SLC4A4: variants seen among roughly 807,000 people sequenced by gnomAD.
The protein encoded by SLC4A4 is solute carrier family 4 member 4, also known as electrogenic sodium bicarbonate cotransporter 1.
Under a neutral mutation model 111.5 loss-of-function variants are expected in SLC4A4, and 27 were observed. The observed-to-expected ratio is 0.24, with a 90% CI of 0.18 to 0.33. The LOEUF is 0.33. Among genes scored for constraint, SLC4A4 ranks in the 10% least tolerant of loss-of-function variants. The pLI is 1.00. For synonymous variants in SLC4A4, 443 were observed against 463.4 expected, an observed-to-expected ratio of 0.96 and a Z score of 0.57; for missense variants, 909 against 1,315.5, an observed-to-expected ratio of 0.69 and a Z score of 4.78.
intron 2 of SLC4A4, among the ~76,000 whole-genome samples, chr4:71,239,143 G>A (rs1224999104): frequency 6.6e-6 from 1 of 152,136 alleles, no homozygotes; most frequent in Non-Finnish European, 1.5e-5. Context: ...CAAAAGGCAA[G>A]GAGCTGGAAC....
intron 24 of SLC4A4, among the ~76,000 whole-genome samples, chr4:71,565,009 A>AT (rs771186934): frequency 6.6e-4 from 96 of 145,146 alleles, no homozygotes; most frequent in South Asian, 4.3e-4. Context: ...TCTGAAGACT[A>AT]TTTTTTTTTT....
chr4:71,228,982 G>A (rs1719226131), intron 1 of SLC4A4, among the ~76,000 whole-genome samples: 2 of 151,900 alleles, frequency 1.3e-5, no homozygotes, highest in African/African-American at 2.4e-5. Context: ...TATCACCTAT[G>A]TTGATCCATG....
chr4:71,217,865 T>C (rs898106174), intron 1 of SLC4A4, among the ~76,000 whole-genome samples: 5 of 152,180 alleles, frequency 3.3e-5, no homozygotes, highest in Non-Finnish European at 4.4e-5. Context: ...AAGGCTGGAA[T>C]GTGGTAGTGA....
At chr4:71,096,254 G>A (rs1452030120) in intron 2 of SLC4A4, among the ~76,000 whole-genome samples, 1 of 152,114 alleles carries the variant, frequency 6.6e-6, no homozygotes, top group African/African-American at 2.4e-5. Flanking sequence ...GTGGCTGGAG[G>A]CTAAAGGGGG....
chr4:71,547,721 G>A lies in SLC4A4; in HGVS notation c.2694+1G>A. 1 of 1,608,938 alleles carries A rather than the reference G, an allele frequency of 6.2e-7. No homozygotes were observed. Among genetic ancestry groups the A allele is most frequent in the Non-Finnish European group, 8.5e-7 (1 of 1,175,878 alleles). ...AGTCTTTATGGCTCCCATCTTGAAG[G>A]TAAATATGTGAAACATTCACCTCTT... On this transcript the variant is annotated splice_donor_variant, in intron 20 of 25. Coordinates refer to ENST00000264485, the MANE Select transcript of SLC4A4 (RefSeq NM_001098484.3). LOFTEE classifies it high-confidence loss of function.
chr4:71,425,088 C>T (rs184207490), intron 7 of SLC4A4, among the ~76,000 whole-genome samples: 3 of 152,144 alleles, frequency 2.0e-5, no homozygotes, highest in Admixed American at 2.0e-4. Context: ...AGTTCGGCAA[C>T]CATGCAAAGA....
intron 16 of SLC4A4, among the ~76,000 whole-genome samples, chr4:71,500,567 G>A (rs7669136): frequency 0.58 from 87,573 of 151,980 alleles, 28,318 homozygotes; most frequent in Non-Finnish European, 0.74. Flanking sequence ...TGACCCACTC[G>A]CCTTGGCCTC....
At chr4:71,105,563 C>A (rs1450844226) in intron 2 of SLC4A4, among the ~76,000 whole-genome samples, 2 of 148,994 alleles carry the variant, frequency 1.3e-5, no homozygotes, top group Non-Finnish European at 3.0e-5. Context: ...GGTACTGGTA[C>A]CAAAACAGAG....
intron 6 of SLC4A4, among the ~76,000 whole-genome samples, chr4:71,384,349 A>C (rs4635791): frequency 6.6e-6 from 1 of 152,160 alleles, no homozygotes; most frequent in South Asian, 2.1e-4. Context: ...AAGAGGCATT[A>C]TGGGTCCAGA....
intron 2 of SLC4A4, among the ~76,000 whole-genome samples, chr4:71,180,753 G>C (rs1024872663): frequency 6.6e-6 from 1 of 152,144 alleles, no homozygotes; most frequent in Non-Finnish European, 1.5e-5. Flanking sequence ...CTGTTGGTGG[G>C]ACTAAACTAA....
rs558144062 is a variant in SLC4A4, at chr4:71,388,659, G to A, written c.731-8918G>A. Among the ~76,000 whole-genome samples, 31 of 152,070 alleles carry A rather than the reference G, an allele frequency of 2.0e-4. No homozygotes were observed. In the South Asian group the frequency reaches 2.7e-3, roughly 13 times the overall value. ...CCTGGGCCCAAGCAGTCCTCTCCCC[G>A]CCCCACTGCCTCTCTAGTAGCTGGG... On this transcript the variant is annotated intron_variant, in intron 6 of 25. Coordinates refer to ENST00000264485, the MANE Select transcript of SLC4A4 (RefSeq NM_001098484.3).
intron 7 of SLC4A4, among the ~76,000 whole-genome samples, chr4:71,413,039 C>T (rs1193349411): frequency 6.6e-6 from 1 of 152,142 alleles, no homozygotes; most frequent in Non-Finnish European, 1.5e-5. Context: ...AGATGAAGAA[C>T]CCCTCAACCA....
chr4:71,375,451 A>G (rs1732262244), intron 6 of SLC4A4, among the ~76,000 whole-genome samples: 1 of 152,108 alleles, frequency 6.6e-6, no homozygotes, highest in Non-Finnish European at 1.5e-5. Context: ...TTCCACTTGG[A>G]ATATTCTTCT....
chr4:71,460,230 C>G (rs1689797551), intron 12 of SLC4A4, among the ~76,000 whole-genome samples: 1 of 151,964 alleles, frequency 6.6e-6, no homozygotes, highest in African/African-American at 2.4e-5. Context: ...GTTTTCCCTA[C>G]CCCAAGATAA....
chr4:71,369,429 C>T (rs971750862), intron 6 of SLC4A4, among the ~76,000 whole-genome samples: 5 of 152,164 alleles, frequency 3.3e-5, no homozygotes, highest in African/African-American at 7.2e-5. Flanking sequence ...GCAGCCCTCC[C>T]TCCATGGGAC....
At chr4:71,257,515 G>A (rs1201900753) in intron 3 of SLC4A4, among the ~76,000 whole-genome samples, 2 of 152,088 alleles carry the variant, frequency 1.3e-5, no homozygotes, top group Admixed American at 1.3e-4. Flanking sequence ...CAGAGTTTTT[G>A]CACCTAGATA....
chr4:71,359,360 A>G (rs546641510), intron 6 of SLC4A4, among the ~76,000 whole-genome samples: 3 of 152,334 alleles, frequency 2.0e-5, no homozygotes, highest in Admixed American at 1.3e-4. Context: ...AGTGTGGAAT[A>G]TGATTAGACC....
chr4:71,277,544 T>TTCTTTC (rs1395607707), intron 3 of SLC4A4, among the ~76,000 whole-genome samples: 2 of 151,574 alleles, frequency 1.3e-5, no homozygotes, highest in African/African-American at 2.4e-5. Context: ...CTCTTTTTCT[T>TTCTTTC]TCTTTCTCTT....
At chr4:71,325,543 C>T (rs1727437727) in intron 3 of SLC4A4, among the ~76,000 whole-genome samples, 1 of 151,848 alleles carries the variant, frequency 6.6e-6, no homozygotes, top group African/African-American at 2.4e-5. Flanking sequence ...TAGACTCTTC[C>T]CTTAGAGTTG....
Sources: gnomAD v4.1 joint callset for allele counts (sites outside exome capture counted in the v4.1 genomes callset) on GRCh38, gnomAD v4.1.1 for gene constraint, MANE v1.5 for transcripts, NCBI Gene and HGNC (gene_info 2026-07-23, HGNC 2026-07-21) for gene names.